The following KAZN variants were observed in gnomAD, a reference collection of about 807,000 sequenced individuals.
KAZN encodes kazrin, periplakin interacting protein, also known as kazrin.
Under a neutral mutation model 87.4 loss-of-function variants are expected in KAZN, and 40 were observed. The ratio of observed to expected loss-of-function variants is 0.46; its 90% CI spans 0.36 to 0.60. KAZN has a LOEUF of 0.60. Ranked by LOEUF, KAZN falls within the 20% of genes least tolerant of loss-of-function variation. KAZN has a pLI of 0.00. For synonymous variants in KAZN, 466 were observed against 458.3 expected, an observed-to-expected ratio of 1.02 and a Z score of -0.22; for missense variants, 898 against 1,073.9, an observed-to-expected ratio of 0.84 and a Z score of 2.29.
rs761069921 is a variant in KAZN at position 14,184,804 on chromosome 1, A to G, written c.249+4212A>G. Among the ~76,000 whole-genome samples, 19 of 152,160 alleles carry G rather than the reference A, an allele frequency of 1.2e-4. No homozygotes were observed. Among genetic ancestry groups the G allele is most frequent in the Admixed American group, 3.3e-4 (5 of 15,272 alleles). On this transcript the variant is annotated intron_variant, in intron 2 of 16. Transcript: ENST00000636203. This position sits in a 1 kb window ranked among gnomAD's most constrained non-coding sequence, Gnocchi z 4.2. ...AGGTTCCTGGCAGATAGGGAGGGTTAGCGCCCCAAAGTCAACATCATCTTG... is the reference window on the plus strand; with the variant it reads ...AGGTTCCTGGCAGATAGGGAGGGTTGGCGCCCCAAAGTCAACATCATCTTG...
chr1:14,667,206 TCA>T (rs1639615905), intron 1 of KAZN, among the ~76,000 whole-genome samples: 1 of 152,214 alleles, frequency 6.6e-6, no homozygotes, highest in Admixed American at 6.5e-5. Flanking sequence ...GCTGGGATAC[TCA>T]CAGGACAGAT....
chr1:14,365,371 G>C (rs1402446806), intron 2 of KAZN, among the ~76,000 whole-genome samples: 3 of 87,406 alleles, frequency 3.4e-5, no homozygotes, highest in Non-Finnish European at 6.7e-5. Flanking sequence ...CCCGGGGTGG[G>C]GGGGGGGGGG....
chr1:13,916,873 G>A (rs895479564), intron 1 of KAZN, among the ~76,000 whole-genome samples: 6 of 152,152 alleles, frequency 3.9e-5, no homozygotes, highest in Non-Finnish European at 8.8e-5. Flanking sequence ...TGGGCTCGGG[G>A]AGAATGGGGG....
intron 1 of KAZN, among the ~76,000 whole-genome samples, chr1:14,841,288 C>T (rs143410568): frequency 1.9e-3 from 284 of 151,728 alleles, no homozygotes; most frequent in African/African-American, 6.0e-3. Flanking sequence ...GCCTATGGTC[C>T]CAGCTACTCG....
At chr1:14,943,195 G>A (rs930167301) in intron 1 of KAZN, among the ~76,000 whole-genome samples, 1 of 151,760 alleles carries the variant, frequency 6.6e-6, no homozygotes, top group South Asian at 2.1e-4. Flanking sequence ...CCAGACAGAC[G>A]GGGAAACATT....
chr1:14,172,587 A>G (rs559575016), intron 1 of KAZN, among the ~76,000 whole-genome samples: 1 of 152,354 alleles, frequency 6.6e-6, no homozygotes, highest in African/African-American at 2.4e-5. Context: ...AAACCACTCC[A>G]AAACTAAGCG....
chr1:13,935,922 A>G (rs7554985), intron 1 of KAZN, among the ~76,000 whole-genome samples: 117,035 of 148,624 alleles, frequency 0.79, 46,201 homozygotes, highest in South Asian at 0.93. Context: ...AAATTATTTA[A>G]TATATGTACA....
At chr1:14,025,247 C>T (rs1203472641) in intron 1 of KAZN, among the ~76,000 whole-genome samples, 1 of 152,192 alleles carries the variant, frequency 6.6e-6, no homozygotes, top group African/African-American at 2.4e-5. Context: ...CTCTGAAGAC[C>T]ATCCCTTCTC....
At chr1:14,771,501 A>G (rs188931884) in intron 1 of KAZN, among the ~76,000 whole-genome samples, 106 of 152,142 alleles carry the variant, frequency 7.0e-4, no homozygotes, top group African/African-American at 2.5e-3. Flanking sequence ...ATTTTTCTCA[A>G]TGAGGGTGTC....
chr1:14,311,863 T>G (rs1056902011), intron 2 of KAZN, among the ~76,000 whole-genome samples: 2 of 152,194 alleles, frequency 1.3e-5, no homozygotes, highest in South Asian at 4.1e-4. Context: ...GGCATGACCA[T>G]GTGGCTAATA....
At chr1:14,711,049 T>C (rs1345920790) in intron 1 of KAZN, among the ~76,000 whole-genome samples, 1 of 151,850 alleles carries the variant, frequency 6.6e-6, no homozygotes, top group East Asian at 1.9e-4. Flanking sequence ...CAAAAATAGC[T>C]GGGCATGGTG....
intron 1 of KAZN, among the ~76,000 whole-genome samples, chr1:14,164,752 C>T (rs1394382258): frequency 6.6e-6 from 1 of 151,980 alleles, no homozygotes; most frequent in East Asian, 1.9e-4. Flanking sequence ...GTTGGTCAGG[C>T]TGGTCCCAAA....
intron 1 of KAZN, among the ~76,000 whole-genome samples, chr1:14,900,595 A>C (rs1263316297): frequency 6.6e-6 from 1 of 152,046 alleles, no homozygotes; most frequent in Non-Finnish European, 1.5e-5. Context: ...CTACTAAAAA[A>C]TAGAAAAAAT....
At chr1:13,998,684 G>A (rs937445748) in intron 1 of KAZN, among the ~76,000 whole-genome samples, 3 of 151,596 alleles carry the variant, frequency 2.0e-5, no homozygotes, top group Non-Finnish European at 2.9e-5. Context: ...AAATATATAT[G>A]CACCCAATAC....
chr1:14,942,037 G>A (rs938939435), intron 1 of KAZN, among the ~76,000 whole-genome samples: 2 of 152,108 alleles, frequency 1.3e-5, no homozygotes, highest in Admixed American at 6.5e-5. Context: ...GGGCTTGTTC[G>A]TGTCCCAAGT....
At chr1:13,919,713 T>C (rs989539626) in intron 1 of KAZN, among the ~76,000 whole-genome samples, 13 of 152,202 alleles carry the variant, frequency 8.5e-5, no homozygotes, top group African/African-American at 3.1e-4. Context: ...AGTTTATATA[T>C]AGTGTGCATG....
At chr1:13,912,961 G>A (rs535832031) in intron 1 of KAZN, among the ~76,000 whole-genome samples, 3 of 152,282 alleles carry the variant, frequency 2.0e-5, no homozygotes, top group African/African-American at 7.2e-5. Flanking sequence ...TAAACCAAAG[G>A]AAAACCTGGG....
At chr1:13,983,202 C>T (rs1025772475) in intron 1 of KAZN, among the ~76,000 whole-genome samples, 5 of 152,212 alleles carry the variant, frequency 3.3e-5, no homozygotes, top group African/African-American at 9.6e-5. Flanking sequence ...GACTGGGTGC[C>T]GTGGAGCAAG....
intron 2 of KAZN, among the ~76,000 whole-genome samples, chr1:14,447,291 T>C (rs758230922): frequency 7.3e-5 from 11 of 150,410 alleles, no homozygotes; most frequent in Admixed American, 2.7e-4. Flanking sequence ...CAGGCTGGAG[T>C]GCAGTGGCGT....
Sources: allele counts gnomAD v4.1 joint callset (sites outside exome capture counted in the v4.1 genomes callset), GRCh38; gene constraint gnomAD v4.1.1; non-coding constraint Gnocchi (gnomAD v3.1); transcripts MANE v1.5; gene names NCBI Gene and HGNC (gene_info 2026-07-23, HGNC 2026-07-21).